Variants in CDH3 observed in about 807,000 individuals in gnomAD.
The protein encoded by CDH3 is cadherin-3.
In CDH3, 54 loss-of-function variants were observed where a neutral mutation model predicts 82.0. That is an observed-to-expected ratio of 0.66 (90% CI 0.53 to 0.83). CDH3 has a LOEUF of 0.83. CDH3 is among the 40% of genes least tolerant of loss of function. CDH3 has a pLI of 0.00. For synonymous variants in CDH3, 446 were observed against 437.9 expected (o/e 1.02, Z -0.23); for missense variants, 1,054 against 1,084.6 (o/e 0.97, Z 0.40).
At chr16:68,723,170 C>G (rs1211113298) in intron 2 of CDH3, among the ~76,000 whole-genome samples, 1 of 151,794 alleles carries the variant, frequency 6.6e-6, no homozygotes, top group African/African-American at 2.4e-5. Context: ...CCACTCAGCC[C>G]AATTCTCCTT....
chr16:68,729,484 C>T (rs1002480525), downstream of CDH3, among the ~76,000 whole-genome samples: 12 of 152,098 alleles, frequency 7.9e-5, no homozygotes, highest in Non-Finnish European at 1.2e-4. Flanking sequence ...TACCAAAACT[C>T]ATCAAATTGT....
intron 1 of CDH3, among the ~76,000 whole-genome samples, chr16:68,712,962 A>T (rs1962048724): frequency 6.6e-6 from 1 of 152,006 alleles, no homozygotes; most frequent in African/African-American, 2.4e-5. Flanking sequence ...GATTAAAGGC[A>T]TGAGCTACCG....
intron 15 of CDH3, chr16:68,696,437 A>T (rs1450476272): frequency 4.5e-6 from 1 of 223,902 alleles, no homozygotes; most frequent in African/African-American, 2.3e-5. Flanking sequence ...AACAAAAATG[A>T]TTAGGAGGCT....
At chr16:68,645,881 G>C in intron 2 of CDH3, 131 bp downstream of exon 2, 1 of 686,414 alleles carries the variant, frequency 1.5e-6, no homozygotes, top group East Asian at 2.7e-5. Flanking sequence ...GGCGCAGAAC[G>C]CGCCTCGGGG....
intron 2 of CDH3, among the ~76,000 whole-genome samples, chr16:68,647,305 G>A (rs909982793): frequency 3.1e-5 from 4 of 130,090 alleles, no homozygotes; most frequent in Non-Finnish European, 6.1e-5. Context: ...TCCCAGAATA[G>A]GCTATAGCCT....
intron 3 of CDH3, among the ~76,000 whole-genome samples, chr16:68,677,926 CTT>C (rs376882052): frequency 1.2e-4 from 18 of 145,674 alleles, no homozygotes; most frequent in African/African-American, 1.5e-4. Flanking sequence ...TCACCCTTAA[CTT>C]TTTTTTTTTT....
In CDH3 at chr16:68,678,566, C is replaced by T. The variant is rs769411955; in HGVS notation, c.456C>T (p.Ser152=). The change falls in exon 5 of 16, where the codon AGC becomes AGT. Residue 152 remains serine (S), a synonymous_variant. Transcript: ENST00000264012. ...GCATCACGGGGCCGGGGGCAGACAG[C>T]CCCCCTGAGGGTGTCTTCGCTGTAG... ...FYSITGPGAD[S]PPEGVFAVEK... 3.1e-6 allele frequency: 5 copies of T among 1,614,082 alleles called. No homozygotes were observed. The highest frequency in any genetic ancestry group is 3.3e-5 in the Admixed American group (2 of 60,010).
chr16:68,695,669 C>A, intron 14 of CDH3, 108 bp from the exon 15 acceptor site: 2 of 1,310,838 alleles, frequency 1.5e-6, no homozygotes, highest in Non-Finnish European at 2.2e-6. Context: ...TAAGACCTCC[C>A]CATGAGCCAG....
At chr16:68,672,674 C>T (rs1340528377) in intron 2 of CDH3, among the ~76,000 whole-genome samples, 1 of 152,172 alleles carries the variant, frequency 6.6e-6, no homozygotes, top group Non-Finnish European at 1.5e-5. Context: ...CAGCACTCCT[C>T]GGCGGGGATG....
At chr16:68,703,485 G>T (rs1473205691), downstream of CDH3, among the ~76,000 whole-genome samples, 1 of 152,192 alleles carries the variant, frequency 6.6e-6, no homozygotes, top group Admixed American at 6.5e-5. Context: ...TTCGAAGCTT[G>T]CTGGAGAGCT....
chr16:68,676,215 G>A (rs990190654), intron 2 of CDH3, among the ~76,000 whole-genome samples, 170 bp from the exon 3 acceptor site: 1 of 152,164 alleles, frequency 6.6e-6, no homozygotes, highest in African/African-American at 2.4e-5. Context: ...AGCCTCCTCT[G>A]AAACTTGTAT....
intron 2 of CDH3, among the ~76,000 whole-genome samples, chr16:68,668,445 G>A (rs1960797935): frequency 6.6e-6 from 1 of 152,190 alleles, no homozygotes; most frequent in Non-Finnish European, 1.5e-5. Flanking sequence ...CAAGCCAGTG[G>A]TGCCAGGAAG....
chr16:68,714,492 T>G (rs1451688108), intron 1 of CDH3, among the ~76,000 whole-genome samples: 1 of 152,202 alleles, frequency 6.6e-6, no homozygotes, highest in Admixed American at 6.6e-5. Context: ...ATGTCATTTT[T>G]TTCCCCAGGA....
intron 2 of CDH3, among the ~76,000 whole-genome samples, chr16:68,650,112 C>T (rs1960196025): frequency 6.6e-6 from 1 of 151,830 alleles, no homozygotes; most frequent in Non-Finnish European, 1.5e-5. Flanking sequence ...CCCAACAACT[C>T]AGAATTCTGC....
intron 2 of CDH3, among the ~76,000 whole-genome samples, chr16:68,653,234 T>G (rs1337644681): frequency 7.2e-6 from 1 of 139,648 alleles, no homozygotes; most frequent in African/African-American, 2.8e-5. Flanking sequence ...TTCAATTATT[T>G]TATTTTATTT....
downstream of CDH3, among the ~76,000 whole-genome samples, chr16:68,730,238 A>G (rs945128858): frequency 6.0e-4 from 90 of 150,878 alleles, 1 homozygote; most frequent in African/African-American, 2.1e-3. Flanking sequence ...ACCTAAAAAA[A>G]AAAAAAAGCC....
At chr16:68,662,120 G>T (rs1960598031) in intron 2 of CDH3, among the ~76,000 whole-genome samples, 1 of 152,208 alleles carries the variant, frequency 6.6e-6, no homozygotes, top group South Asian at 2.1e-4. Context: ...CCCTGAAAAA[G>T]TAACTGTTGA....
chr16:68,705,487 C>T (rs1171015487), intron 1 of CDH3, among the ~76,000 whole-genome samples: 1 of 151,968 alleles, frequency 6.6e-6, no homozygotes, highest in Non-Finnish European at 1.5e-5. Context: ...GTGACGCGAT[C>T]TTGGCTCACT....
intron 12 of CDH3, among the ~76,000 whole-genome samples, chr16:68,690,432 C>A (rs1235056701): frequency 6.7e-6 from 1 of 150,292 alleles, no homozygotes; most frequent in Non-Finnish European, 1.5e-5. Context: ...ACCAGCCTGA[C>A]ACAAAATCCA....
Sources: gnomAD v4.1 joint callset for allele counts (sites outside exome capture counted in the v4.1 genomes callset) on GRCh38, gnomAD v4.1.1 for gene constraint, MANE v1.5 for transcripts, NCBI Gene and HGNC (gene_info 2026-07-23, HGNC 2026-07-21) for gene names.